MYO1A: variants seen among roughly 807,000 people sequenced by gnomAD.
MYO1A encodes the protein unconventional myosin-Ia.
MYO1A carries 127 observed loss-of-function variants against 138.5 expected under a neutral mutation model. The ratio of observed to expected loss-of-function variants is 0.92; its 90% CI spans 0.79 to 1.06. The LOEUF (loss-of-function observed/expected upper bound fraction) is 1.06, where lower values mean the gene tolerates loss of function less well. Among genes scored for constraint, MYO1A ranks in the 50% least tolerant of loss-of-function variants. The pLI is 0.00. For missense variants in MYO1A, 1,211 were observed against 1,288.8 expected (o/e 0.94, Z 0.92); for synonymous variants, 477 against 497.5 (o/e 0.96, Z 0.55).
intron 23 of MYO1A, among the ~76,000 whole-genome samples, 158 bp from the exon 24 acceptor site, chr12:57,030,474 C>G (rs1263460766): frequency 6.6e-6 from 1 of 151,942 alleles, no homozygotes; most frequent in Non-Finnish European, 1.5e-5. Flanking sequence ...GGCTGGAGGA[C>G]CATTGAGGAG....
chr12:57,039,666 C>T (rs547670551), intron 14 of MYO1A, among the ~76,000 whole-genome samples: 72 of 152,290 alleles, frequency 4.7e-4, no homozygotes, highest in African/African-American at 1.6e-3. Context: ...AACCACAGCA[C>T]GTGAGAGTTT....
rs55985817 is a variant in MYO1A at position 57,029,733 on chromosome 12, C to A, written c.2724+7G>T. On this transcript the variant is annotated splice_region_variant and intron_variant, in intron 25 of 27. Transcript: ENST00000300119. ...CTGCGGGAGGAGTTCAGCCTGCAGGCCCTTACCTTGCCATTGCCACGATTG... is the reference window on the plus strand; with the variant it reads ...CTGCGGGAGGAGTTCAGCCTGCAGGACCTTACCTTGCCATTGCCACGATTG... The A allele has an allele frequency of 6.2e-7, 1 of 1,614,204 alleles. No homozygotes were observed. Among genetic ancestry groups the A allele is most frequent in the Admixed American group, 1.7e-5 (1 of 60,026 alleles).
In MYO1A at chr12:57,038,579, C is replaced by T. The variant is rs1290386440; in HGVS notation, c.1593G>A (p.Leu531=). The change falls in exon 17 of 28, where the codon CTG becomes CTA. Residue 531 remains leucine, a synonymous_variant. Transcript: ENST00000300119. ...DKNNDLLFRD[L]LQAMWKAQHP... ...GCTGGGCCTTCCACATGGCCTGCAA[C>T]AGGTCTCGGAAGAGTAGGTCATTAT... 1 of 1,614,082 alleles carries T rather than the reference C, an allele frequency of 6.2e-7. No individual in the cohort carries two copies. The highest frequency in any genetic ancestry group is 8.5e-7 in the Non-Finnish European group (1 of 1,180,056).
In MYO1A at chr12:57,029,233, G is replaced by A; in HGVS notation, c.2904C>T (p.Asp968=). 6.2e-7 allele frequency: 1 copy of A among 1,613,982 alleles called. No individual in the cohort carries two copies. The highest frequency in any genetic ancestry group is 1.6e-4 in the Middle Eastern group (1 of 6,062). The change falls in exon 27 of 28, where the codon GAC becomes GAT. Residue 968 remains aspartate (D), a synonymous_variant. Transcript: ENST00000300119. ...TCACATGCTCGCTGACCAGCAGGAA[G>A]TCCCCCTTGGAGCCCACCGATGACA... ...SEMSSVGSKG[D]FLLVSEHVIE...
intron 3 of MYO1A, 106 bp downstream of exon 3, chr12:57,047,883 G>A: frequency 6.4e-7 from 1 of 1,560,674 alleles, no homozygotes; most frequent in Non-Finnish European, 8.7e-7. Context: ...AGGGAAGGAA[G>A]GGGCAGCTGG....
Position 57,039,436 on chromosome 12 carries a change from G to T in MYO1A, c.1270-162C>A, listed in dbSNP as rs540815660. 1.2e-5 allele frequency: 8 copies of T among 673,334 alleles called. No homozygotes were observed. In the East Asian group the frequency reaches 1.7e-4, roughly 14 times the overall value. The allele number at this position is 673,334 out of a possible 1,614,324, so 41.7% of individuals were successfully genotyped here. On this transcript the variant is annotated intron_variant, in intron 14 of 27. Coordinates refer to ENST00000300119, the MANE Select transcript of MYO1A (RefSeq NM_005379.4). Reference sequence around the variant, plus strand: ...TCTATTTATGTCCCCATCCCTCCAAGGTTGGTGGAGAATTTGTGGGGTGGG... The same window carrying T: ...TCTATTTATGTCCCCATCCCTCCAATGTTGGTGGAGAATTTGTGGGGTGGG...
upstream of MYO1A, chr12:57,051,023 T>C (rs919052944): frequency 6.6e-5 from 10 of 152,354 alleles, 1 homozygote; most frequent in African/African-American, 2.4e-4. Context: ...CTCCCTCTGA[T>C]AGATAAGAAG....
At chr12:57,036,668 T>G in intron 21 of MYO1A, 104 bp downstream of exon 21, 3 of 1,369,648 alleles carry the variant, frequency 2.2e-6, no homozygotes, top group Non-Finnish European at 1.0e-6. Context: ...TACACAGAGG[T>G]GCGGCCTGGG....
At position 57,038,055 on chromosome 12, in the gene MYO1A, T is replaced by C. The variant is rs571962957; in HGVS notation, c.1775A>G (p.Asn592Ser). Residue 592 changes from asparagine (N) to serine (S), a missense_variant, in exon 18 of 28, where the codon AAT (asparagine) becomes AGT (serine). Asn to Ser is a conservative substitution (Grantham distance 46). Transcript: ENST00000300119. ...GAACTGACCTCGCTGCTGATGCTCA[T>C]TGGGCTTTATGCACCTGGTGGGAGG... Reference protein sequence around the residue: ...SPNYIRCIKPNEHQQRGQFSS... With the variant: ...SPNYIRCIKPSEHQQRGQFSS... The C allele has an allele frequency of 1.9e-5, 30 of 1,613,916 alleles. No individual in the cohort carries two copies. The African/African-American group carries it at 2.3e-4, about 12-fold the overall frequency.
Position 57,043,170 on chromosome 12 carries a change from G to A in MYO1A, c.1012-12C>T. 1 of 1,614,148 alleles carries A rather than the reference G, an allele frequency of 6.2e-7. No individual in the cohort carries two copies. Among genetic ancestry groups the A allele is most frequent in the South Asian group, 1.1e-5 (1 of 91,082 alleles). On this transcript the variant is annotated splice_polypyrimidine_tract_variant and intron_variant, in intron 11 of 27. Coordinates refer to ENST00000300119, the MANE Select transcript of MYO1A (RefSeq NM_005379.4). ...CGAGCATACTGAGCCTGTGGGTGAGGCACAGCTGATTAGGGTGGCATCACA... is the reference window on the plus strand; with the variant it reads ...CGAGCATACTGAGCCTGTGGGTGAGACACAGCTGATTAGGGTGGCATCACA...
Position 57,029,586 on chromosome 12 carries a change from G to A in MYO1A, c.2726C>T (p.Thr909Ile), listed in dbSNP as rs2030165035. The A allele has an allele frequency of 1.2e-6, 2 of 1,614,122 alleles. No homozygotes were observed. The highest frequency in any genetic ancestry group is 3.3e-5 in the Admixed American group (2 of 60,016). The change falls in exon 26 of 28, where the codon ACT (threonine) becomes ATT (isoleucine). Residue 909 changes from threonine to isoleucine, a missense_variant and splice_region_variant. Thr to Ile is a moderately conservative substitution (Grantham distance 89, BLOSUM62 -1). Coordinates refer to ENST00000300119, the MANE Select transcript of MYO1A (RefSeq NM_005379.4). ...GGTCAGGAGGAGAATCCGAGAAGAA[G>A]TCTAGGGACGGAACAGGCAAGGGTG... is the stretch of plus-strand genomic sequence containing the variant. Reference protein sequence around the residue: ...VKKVNRGNGKTSSRILLLTKG... With the variant: ...VKKVNRGNGKISSRILLLTKG...
In MYO1A at chr12:57,032,793, A is replaced by C. The variant is rs192269760; in HGVS notation, c.2350-1619T>G. On this transcript the variant is annotated intron_variant, in intron 22 of 27. Transcript: ENST00000300119. The stretch of plus-strand genomic sequence containing the variant: ...CTTGTAGGCTGTGGTAAGGAGTGAA[A>C]TGGAACACCATTGGAGAATTTATAC... Among the ~76,000 whole-genome samples the C allele has an allele frequency of 3.6e-3, 554 of 152,316 alleles. 3 individuals carry two copies. The highest frequency in any genetic ancestry group is 0.013 in the African/African-American group (533 of 41,566).
At chr12:57,037,271 C>G (rs1245922989) in intron 19 of MYO1A, among the ~76,000 whole-genome samples, 180 bp from the exon 20 acceptor site, 1 of 152,212 alleles carries the variant, frequency 6.6e-6, no homozygotes, top group Non-Finnish European at 1.5e-5. Context: ...AACTTTGTAG[C>G]AGGCAGTAAG....
rs200315756 is a variant in MYO1A, at chr12:57,046,571, T to G, written c.621A>C (p.Gly207=). 30 of 1,613,918 alleles carry G rather than the reference T, an allele frequency of 1.9e-5. No homozygotes were observed. Among genetic ancestry groups the G allele is most frequent in the Non-Finnish European group, 5.1e-6 (6 of 1,179,882 alleles). The change falls in exon 8 of 28, where the codon GGA becomes GGC. Residue 207 remains glycine, a synonymous_variant. Transcript: ENST00000300119. ...NFHIFYQLLA[G]ADEQLLKALK... ...ACATACTCAGCAGCTGTTCATCTGC[T>G]CCAGCCAGCAGCTGATAGAAGATGT...
At chr12:57,041,630 G>A in intron 12 of MYO1A, 133 bp from the exon 13 acceptor site, 2 of 765,108 alleles carry the variant, frequency 2.6e-6, no homozygotes. Context: ...GAAAGGAATT[G>A]TTGTGATTTT....
chr12:57,039,136 C>T, intron 15 of MYO1A, 76 bp downstream of exon 15: 1 of 1,565,702 alleles, frequency 6.4e-7, no homozygotes, highest in African/African-American at 1.4e-5. Flanking sequence ...AGTGGGGAAT[C>T]AGGGAGAGAG....
intron 14 of MYO1A, among the ~76,000 whole-genome samples, chr12:57,040,278 G>A (rs983864662): frequency 1.2e-4 from 19 of 152,186 alleles, no homozygotes; most frequent in South Asian, 2.1e-4. Context: ...GAAAGATCTC[G>A]TTACGTGATG....
chr12:57,038,279 C>T lies in MYO1A; in HGVS notation c.1760+133G>A, dbSNP rs1055732518. On this transcript the variant is annotated intron_variant, in intron 17 of 27. Transcript: ENST00000300119. ...GTGGGACTCTCAGCTCCTTATCTGA[C>T]TGTTTTCTGTGAGGAAAGGACCTCT... 9 of 1,166,288 alleles carry T rather than the reference C, an allele frequency of 7.7e-6. No individual in the cohort carries two copies. In the African/African-American group the frequency reaches 1.1e-4, roughly 14 times the overall value. The allele number at this position is 1,166,288 out of a possible 1,614,324, so 72.2% of individuals were successfully genotyped here.
At chr12:57,049,156 G>T (rs1183640699) in intron 1 of MYO1A, among the ~76,000 whole-genome samples, 1 of 152,366 alleles carries the variant, frequency 6.6e-6, no homozygotes, top group Middle Eastern at 3.4e-3. Context: ...TCTTGCGGGA[G>T]TGGGCAAGGA....
Sources: allele counts gnomAD v4.1 joint callset (sites outside exome capture counted in the v4.1 genomes callset), GRCh38; gene constraint gnomAD v4.1.1; transcripts MANE v1.5; gene names NCBI Gene and HGNC (gene_info 2026-07-23, HGNC 2026-07-21).